The following MAP2K5 variants were observed in gnomAD, a reference collection of about 807,000 sequenced individuals.
MAP2K5 encodes the protein dual specificity mitogen-activated protein kinase kinase 5.
In MAP2K5, 49 loss-of-function variants were observed where a neutral mutation model predicts 83.1. The ratio of observed to expected loss-of-function variants is 0.59; its 90% confidence interval spans 0.47 to 0.75. The LOEUF is 0.75. MAP2K5 is among the 30% of genes least tolerant of loss of function. The pLI, the probability that MAP2K5 is intolerant of heterozygous loss-of-function variation, is 0.00. For missense variants in MAP2K5, 457 were observed against 557.5 expected (o/e 0.82, Z 1.82); for synonymous variants, 202 against 191.8 (o/e 1.05, Z -0.44).
chr15:67,723,312 T>A (rs539492007), intron 16 of MAP2K5, among the ~76,000 whole-genome samples: 1 of 152,200 alleles, frequency 6.6e-6, no homozygotes, highest in Non-Finnish European at 1.5e-5. Context: ...GTTATTTAAA[T>A]TATAAAATCC....
At chr15:67,735,670 G>A (rs12437747) in intron 17 of MAP2K5, among the ~76,000 whole-genome samples, 149,247 of 152,324 alleles carry the variant, frequency 0.98, 73,194 homozygotes, top group East Asian at 1. Context: ...GAAACCAAGA[G>A]GGTTTCACAG....
Position 67,543,511 on chromosome 15 carries a change from C to A in MAP2K5, c.135+41C>A. The A allele has an allele frequency of 6.2e-7, 1 of 1,612,484 alleles. No homozygotes were observed. Among genetic ancestry groups the A allele is most frequent in the Non-Finnish European group, 8.5e-7 (1 of 1,179,004 alleles). On this transcript the variant is annotated intron_variant, in intron 1 of 21. Coordinates refer to ENST00000178640, the MANE Select transcript of MAP2K5 (RefSeq NM_145160.3). The surrounding 1 kb of genome is among the most constrained non-coding windows in gnomAD (Gnocchi z 4.3). ...AGTGTCCGGATGCCAGCAAGGGGGACTCAGGGACTTGAGTAGTCAGCACCT... is the reference window on the plus strand; with the variant it reads ...AGTGTCCGGATGCCAGCAAGGGGGAATCAGGGACTTGAGTAGTCAGCACCT...
At chr15:67,623,678 A>T (rs2086241019) in intron 8 of MAP2K5, among the ~76,000 whole-genome samples, 1 of 148,438 alleles carries the variant, frequency 6.7e-6, no homozygotes, top group African/African-American at 2.5e-5. Context: ...GCTCATCGTA[A>T]CCTCCACCTC....
At chr15:67,688,070 A>T (rs1423149470) in intron 13 of MAP2K5, among the ~76,000 whole-genome samples, 1 of 152,202 alleles carries the variant, frequency 6.6e-6, no homozygotes, top group Non-Finnish European at 1.5e-5. Flanking sequence ...AAGGAGAAAA[A>T]TTCAGGCAAA....
At chr15:67,773,871 A>G (rs759589855) in intron 21 of MAP2K5, among the ~76,000 whole-genome samples, 1 of 152,230 alleles carries the variant, frequency 6.6e-6, no homozygotes, top group Non-Finnish European at 1.5e-5. Flanking sequence ...AACTTGGAAC[A>G]GGTTCTAGAG....
rs1176562073 is a variant in MAP2K5, at chr15:67,774,723, G to A, written c.1242+1971G>A. Among the ~76,000 whole-genome samples the A allele has an allele frequency of 6.6e-6, 1 of 152,310 alleles. No homozygotes were observed. Among genetic ancestry groups the A allele is most frequent in the South Asian group, 2.1e-4 (1 of 4,828 alleles). Reference sequence around the variant, plus strand: ...ATCTGGAAGCCGAGAGACTCCTCTGGAATGCATGAACTATAGAGCCCATTT... The same window carrying A: ...ATCTGGAAGCCGAGAGACTCCTCTGAAATGCATGAACTATAGAGCCCATTT... On this transcript the variant is annotated intron_variant, in intron 21 of 21. Transcript: ENST00000178640. This position sits in a 1 kb window ranked among gnomAD's most constrained non-coding sequence, Gnocchi z 4.9.
intron 8 of MAP2K5, among the ~76,000 whole-genome samples, chr15:67,601,100 G>T (rs1302145004): frequency 6.6e-6 from 1 of 151,956 alleles, no homozygotes; most frequent in Non-Finnish European, 1.5e-5. Context: ...TCCCCTGCCT[G>T]TTTACAGTTA....
Position 67,552,719 on chromosome 15 carries a change from G to A in MAP2K5, c.184+2637G>A, listed in dbSNP as rs2140948629. Among the ~76,000 whole-genome samples, 1 of 152,240 alleles carries A rather than the reference G, an allele frequency of 6.6e-6. No individual in the cohort carries two copies. The highest frequency in any genetic ancestry group is 1.5e-5 in the Non-Finnish European group (1 of 68,018). ...TTCAAAGTGCTGGGATTACAGGTGTGAGCCACTGTACCCACGAAGTACTTA... is the reference window on the plus strand; with the variant it reads ...TTCAAAGTGCTGGGATTACAGGTGTAAGCCACTGTACCCACGAAGTACTTA... On this transcript the variant is annotated intron_variant, in intron 2 of 21. Coordinates refer to ENST00000178640, the MANE Select transcript of MAP2K5 (RefSeq NM_145160.3). The surrounding 1 kb of genome is among the most constrained non-coding windows in gnomAD (Gnocchi z 4.2).
At chr15:67,806,558 A>C in intron 21 of MAP2K5, 88 bp from the exon 22 acceptor site, 1 of 1,139,362 alleles carries the variant, frequency 8.8e-7, no homozygotes. Flanking sequence ...GAAAGAGATC[A>C]GATCCAGGCT....
rs533189166 is a variant in MAP2K5, at chr15:67,771,457, T to C, written c.1197-1250T>C. 3.9e-5 allele frequency among the ~76,000 whole-genome samples: 6 copies of C among 152,320 alleles called. No individual in the cohort carries two copies. In the South Asian group the frequency reaches 8.3e-4, roughly 21 times the overall value. ...CCTCCTGTCCAAAAAATTAATCAGCTGTTATTTAAAAGTTTTATGGAGACA... is the reference window on the plus strand; with the variant it reads ...CCTCCTGTCCAAAAAATTAATCAGCCGTTATTTAAAAGTTTTATGGAGACA... On this transcript the variant is annotated intron_variant, in intron 20 of 21. Transcript: ENST00000178640.
rs1221576478 is a variant in MAP2K5 at position 67,665,416 on chromosome 15, T to G, written c.847+771T>G. ...GTGTTACTAACAGTGCTGTTTAATTTTACACATCTGCTCATCTTAGCTGTA... is the reference window on the plus strand; with the variant it reads ...GTGTTACTAACAGTGCTGTTTAATTGTACACATCTGCTCATCTTAGCTGTA... On this transcript the variant is annotated intron_variant, in intron 13 of 21. Transcript: ENST00000178640. This position sits in a 1 kb window ranked among gnomAD's most constrained non-coding sequence, Gnocchi z 4.2. 6.6e-6 allele frequency among the ~76,000 whole-genome samples: 1 copy of G among 152,192 alleles called. No individual in the cohort carries two copies. Among genetic ancestry groups the G allele is most frequent in the Non-Finnish European group, 1.5e-5 (1 of 68,034 alleles).
At chr15:67,575,749 A>T (rs2085042050) in intron 3 of MAP2K5, among the ~76,000 whole-genome samples, 1 of 152,124 alleles carries the variant, frequency 6.6e-6, no homozygotes, top group Non-Finnish European at 1.5e-5. Flanking sequence ...GATGATACTT[A>T]TAGAATAGGA....
chr15:67,544,697 C>T (rs1304526092), intron 1 of MAP2K5, among the ~76,000 whole-genome samples: 1 of 152,216 alleles, frequency 6.6e-6, no homozygotes, highest in African/African-American at 2.4e-5. Context: ...ACATCACTAC[C>T]TGCAAGTTAA....
chr15:67,774,204 A>AGC lies in MAP2K5; in HGVS notation c.1242+1453_1242+1454insCG, dbSNP rs2090197303. 7.4e-6 allele frequency among the ~76,000 whole-genome samples: 1 copy of AGC among 134,398 alleles called. No homozygotes were observed. Among genetic ancestry groups the AGC allele is most frequent in the South Asian group, 2.4e-4 (1 of 4,222 alleles). The allele number at this position is 134,398 out of a possible 152,430, so 88.2% of individuals were successfully genotyped here. On this transcript the variant is annotated intron_variant, in intron 21 of 21. Transcript: ENST00000178640. The surrounding 1 kb of genome is among the most constrained non-coding windows in gnomAD (Gnocchi z 4.9). ...GTGTGTGTGTGTGTGTGTGTGTGTG[A>AGC]GAGAACATAGGTATTTAGATATATC...
At position 67,669,526 on chromosome 15, in the gene MAP2K5, A is replaced by G. The variant is rs187118070; in HGVS notation, c.847+4881A>G. Reference sequence around the variant, plus strand: ...ACAGCAAAGAGGCCAGTGTGTCTGTATCTGAGTGTGGGAGACAAGAGTAGA... The same window carrying G: ...ACAGCAAAGAGGCCAGTGTGTCTGTGTCTGAGTGTGGGAGACAAGAGTAGA... On this transcript the variant is annotated intron_variant, in intron 13 of 21. Coordinates refer to ENST00000178640, the MANE Select transcript of MAP2K5 (RefSeq NM_145160.3). Among the ~76,000 whole-genome samples the G allele has an allele frequency of 5.5e-4, 83 of 152,224 alleles. No individual in the cohort carries two copies. The East Asian group carries it at 0.012, about 23-fold the overall frequency.
chr15:67,622,000 A>G (rs2086197529), intron 8 of MAP2K5, among the ~76,000 whole-genome samples: 2 of 152,138 alleles, frequency 1.3e-5, no homozygotes, highest in African/African-American at 2.4e-5. Flanking sequence ...CCTGGACAAC[A>G]TGGTGAAACA....
rs962740212 is a variant in MAP2K5 at position 67,775,955 on chromosome 15, T to G, written c.1242+3203T>G. Among the ~76,000 whole-genome samples, 2 of 152,158 alleles carry G rather than the reference T, an allele frequency of 1.3e-5. No individual in the cohort carries two copies. Among genetic ancestry groups the G allele is most frequent in the African/African-American group, 4.8e-5 (2 of 41,434 alleles). Reference sequence around the variant, plus strand: ...GGGCAATCTCTTAAGACATTCCACTTCTATACAAGGAACCCTGGGAACACC... The same window carrying G: ...GGGCAATCTCTTAAGACATTCCACTGCTATACAAGGAACCCTGGGAACACC... On this transcript the variant is annotated intron_variant, in intron 21 of 21. Transcript: ENST00000178640. This position sits in a 1 kb window ranked among gnomAD's most constrained non-coding sequence, Gnocchi z 5.3.
At chr15:67,547,051 C>T (rs1267740125) in intron 1 of MAP2K5, among the ~76,000 whole-genome samples, 2 of 132,756 alleles carry the variant, frequency 1.5e-5, no homozygotes, top group Admixed American at 7.7e-5. Flanking sequence ...GGTCACAGAG[C>T]GAGACCCTAT....
At chr15:67,721,696 C>T (rs1369364104) in intron 16 of MAP2K5, among the ~76,000 whole-genome samples, 2 of 152,086 alleles carry the variant, frequency 1.3e-5, no homozygotes, top group Non-Finnish European at 2.9e-5. Flanking sequence ...ATTCTGTTTG[C>T]GCTGAAGAAA....
Sources: allele counts gnomAD v4.1 joint callset (sites outside exome capture counted in the v4.1 genomes callset), GRCh38; gene constraint gnomAD v4.1.1; non-coding constraint Gnocchi (gnomAD v3.1); transcripts MANE v1.5; gene names NCBI Gene and HGNC (gene_info 2026-07-23, HGNC 2026-07-21).